Variants in FRMD5 observed in about 807,000 individuals in gnomAD.
The protein encoded by FRMD5 is FERM domain-containing protein 5.
A neutral mutation model predicts 69.0 loss-of-function variants in FRMD5; 20 were observed. That is an observed-to-expected ratio of 0.29 (90% CI 0.20 to 0.42). FRMD5 has a LOEUF of 0.42. Ranked by LOEUF, FRMD5 falls within the 10% of genes least tolerant of loss-of-function variation. FRMD5 has a pLI of 1.00. For missense variants in FRMD5, 595 were observed against 708.6 expected, an observed-to-expected ratio of 0.84 and a Z score of 1.82; for synonymous variants, 271 against 260.1, an observed-to-expected ratio of 1.04 and a Z score of -0.40.
At chr15:44,104,851 G>A (rs976401839) in intron 1 of FRMD5, among the ~76,000 whole-genome samples, 1 of 151,998 alleles carries the variant, frequency 6.6e-6, no homozygotes, top group African/African-American at 2.4e-5. Context: ...TAGTCTTCTC[G>A]ATTGGTTTCT....
In FRMD5 at chr15:43,978,438, C is replaced by A. The variant is rs139663426; in HGVS notation, c.103-54129G>T. 4.6e-5 allele frequency among the ~76,000 whole-genome samples: 7 copies of A among 152,134 alleles called. No individual in the cohort carries two copies. In the East Asian group the frequency reaches 1.4e-3, roughly 29 times the overall value. ...TACTAATCAGGGAAAGAAGGGACTG[C>A]GATTGAGTTGGGGTACCTGGGCAGG... On this transcript the variant is annotated intron_variant, in intron 1 of 13. Coordinates refer to ENST00000417257, the MANE Select transcript of FRMD5 (RefSeq NM_032892.5).
intron 1 of FRMD5, among the ~76,000 whole-genome samples, chr15:44,105,411 T>C (rs1269344857): frequency 6.6e-6 from 1 of 152,146 alleles, no homozygotes; most frequent in Non-Finnish European, 1.5e-5. Context: ...GCAAAATTTC[T>C]TTAAAACACC....
At chr15:44,097,326 C>G (rs1011671338) in intron 1 of FRMD5, among the ~76,000 whole-genome samples, 4 of 152,208 alleles carry the variant, frequency 2.6e-5, no homozygotes, top group African/African-American at 9.6e-5. Flanking sequence ...TTCTGAAGTG[C>G]CTTTAGCAAA....
At chr15:44,167,880 G>A (rs538481999) in intron 1 of FRMD5, among the ~76,000 whole-genome samples, 2 of 152,220 alleles carry the variant, frequency 1.3e-5, no homozygotes, top group Admixed American at 6.5e-5. Context: ...CATGAGCCAC[G>A]GGGCCCAGTC....
chr15:44,009,182 T>C (rs1239094598), intron 1 of FRMD5, among the ~76,000 whole-genome samples: 1 of 152,210 alleles, frequency 6.6e-6, no homozygotes, highest in Non-Finnish European at 1.5e-5. Context: ...AAATCACTAA[T>C]TTATTGCCTC....
rs144989731 is a variant in FRMD5 at position 44,147,274 on chromosome 15, G to A, written c.102+47679C>T. The stretch of plus-strand genomic sequence containing the variant: ...CTTTCTCTGTTGCTTGTTTTTGTCA[G>A]GCTTGTCAAAGATCAGATGGTTGTG... On this transcript the variant is annotated intron_variant, in intron 1 of 13. Transcript: ENST00000417257. Among the ~76,000 whole-genome samples, 1,105 of 152,152 alleles carry A rather than the reference G, an allele frequency of 7.3e-3. 14 individuals carry two copies. Among genetic ancestry groups the A allele is most frequent in the African/African-American group, 0.026 (1,062 of 41,518 alleles).
chr15:44,089,567 G>A (rs1247158457), intron 1 of FRMD5, among the ~76,000 whole-genome samples: 3 of 152,034 alleles, frequency 2.0e-5, no homozygotes, highest in African/African-American at 7.2e-5. Context: ...GCCGGGCATG[G>A]TGGCATGCAC....
chr15:43,893,091 G>A (rs1373049108), intron 7 of FRMD5, among the ~76,000 whole-genome samples: 1 of 147,310 alleles, frequency 6.8e-6, no homozygotes, highest in Non-Finnish European at 1.5e-5. Context: ...GTGACGGAGT[G>A]AGACTCCATC....
chr15:44,071,311 C>T (rs1893528519), intron 1 of FRMD5, among the ~76,000 whole-genome samples: 2 of 152,066 alleles, frequency 1.3e-5, no homozygotes, highest in African/African-American at 4.8e-5. Context: ...ACCTGTAATC[C>T]CAGCACTCAG....
intron 7 of FRMD5, among the ~76,000 whole-genome samples, chr15:43,894,407 G>A (rs952425034): frequency 1.3e-5 from 2 of 152,140 alleles, no homozygotes; most frequent in Admixed American, 1.3e-4. Context: ...AAGGGTCTCA[G>A]AAAATGTTGA....
intron 1 of FRMD5, among the ~76,000 whole-genome samples, chr15:44,144,243 T>C (rs2077320507): frequency 6.6e-6 from 1 of 152,208 alleles, no homozygotes; most frequent in African/African-American, 2.4e-5. Flanking sequence ...GAGTAGGTAT[T>C]ATTTTTATAA....
chr15:43,929,307 G>A (rs2089636332), intron 1 of FRMD5, among the ~76,000 whole-genome samples: 1 of 152,134 alleles, frequency 6.6e-6, no homozygotes, highest in Admixed American at 6.5e-5. Flanking sequence ...CCATGGGCAG[G>A]AGAGGAGCTT....
intron 1 of FRMD5, chr15:44,064,415 A>G (rs1250041530): frequency 6.6e-6 from 1 of 152,248 alleles, no homozygotes; most frequent in Non-Finnish European, 1.5e-5. Context: ...ACATTGAGAA[A>G]CCCCGTCCCT....
At chr15:43,985,280 CAAAAAAA>C (rs34455065) in intron 1 of FRMD5, among the ~76,000 whole-genome samples, 1 of 77,246 alleles carries the variant, frequency 1.3e-5, no homozygotes, top group African/African-American at 5.3e-5. Context: ...GACTCCGTCT[CAAAAAAA>C]AAAAAAAAAA....
intron 7 of FRMD5, among the ~76,000 whole-genome samples, chr15:43,895,028 C>G (rs1010401938): frequency 6.6e-6 from 1 of 152,178 alleles, no homozygotes; most frequent in Admixed American, 6.5e-5. Context: ...AAGTGATCCA[C>G]CCACCTCAGC....
intron 4 of FRMD5, among the ~76,000 whole-genome samples, chr15:43,914,726 T>TTTTTTTTTTTTTTTC (rs2089352922): frequency 7.3e-6 from 1 of 136,880 alleles, no homozygotes; most frequent in Admixed American, 7.1e-5. Flanking sequence ...TGACTACCTT[T>TTTTTTTTTTTTTTTC]TTTTTTTTTT....
intron 7 of FRMD5, among the ~76,000 whole-genome samples, chr15:43,900,187 T>A (rs2089010495): frequency 6.6e-6 from 1 of 151,992 alleles, no homozygotes; most frequent in Non-Finnish European, 1.5e-5. Flanking sequence ...TCAGAGAAGC[T>A]CCCAAAGGCC....
At chr15:44,041,368 C>T (rs1892183545) in intron 1 of FRMD5, among the ~76,000 whole-genome samples, 1 of 152,032 alleles carries the variant, frequency 6.6e-6, no homozygotes, top group South Asian at 2.1e-4. Context: ...ACTCTCTACC[C>T]CAAATCAACA....
chr15:44,114,259 T>TG (rs2076838815), intron 1 of FRMD5, among the ~76,000 whole-genome samples: 1 of 152,248 alleles, frequency 6.6e-6, no homozygotes, highest in African/African-American at 2.4e-5. Flanking sequence ...AAATGGATAC[T>TG]GACTCAGCAG....
Sources: gnomAD v4.1 joint callset for allele counts (sites outside exome capture counted in the v4.1 genomes callset) on GRCh38, gnomAD v4.1.1 for gene constraint, MANE v1.5 for transcripts, NCBI Gene and HGNC (gene_info 2026-07-23, HGNC 2026-07-21) for gene names.